The following FRMD3 variants were observed in gnomAD, a reference collection of about 807,000 sequenced individuals.
FRMD3 encodes the protein FERM domain containing 3.
FRMD3 carries 33 observed loss-of-function variants against 70.2 expected under a neutral mutation model. The observed-to-expected ratio is 0.47, with a 90% CI of 0.36 to 0.63. FRMD3 has a LOEUF of 0.63. Ranked by LOEUF, FRMD3 falls within the 20% of genes least tolerant of loss-of-function variation. FRMD3 has a pLI of 0.00. For missense variants in FRMD3, 632 were observed against 711.4 expected (o/e 0.89, Z 1.27); for synonymous variants, 279 against 255.9 (o/e 1.09, Z -0.86).
At chr9:83,446,988 TTTTTGTTTTGTTTTG>T (rs141194581) in intron 1 of FRMD3, among the ~76,000 whole-genome samples, 39,922 of 146,620 alleles carry the variant, frequency 0.27, 5,775 homozygotes, top group African/African-American at 0.39. Context: ...CAGATCAGGG[TTTTTGTTTTGTTTTG>T]TTTTGTTTTG....
rs574000848 is a variant in FRMD3, at chr9:83,467,565, T to C, written c.147+70520A>G. 70 of 1,064,864 alleles carry C rather than the reference T, an allele frequency of 6.6e-5. No individual in the cohort carries two copies. The African/African-American group carries it at 9.7e-4, about 15-fold the overall frequency. 66.0% of individuals were successfully genotyped at this position (1,064,864 alleles called of 1,614,324 possible). ...GCATAGTAACTCATGACATGCATTA[T>C]GTTAAATAAAAGCGTACCTGAGTTG... On this transcript the variant is annotated intron_variant, in intron 1 of 13. Transcript: ENST00000304195.
chr9:83,252,848 C>A (rs1444304355), intron 13 of FRMD3, among the ~76,000 whole-genome samples: 1 of 152,104 alleles, frequency 6.6e-6, no homozygotes, highest in East Asian at 1.9e-4. Flanking sequence ...TACAGGAGCA[C>A]CCAGATTCAT....
At chr9:83,426,366 A>G (rs556733665) in intron 1 of FRMD3, among the ~76,000 whole-genome samples, 18 of 152,380 alleles carry the variant, frequency 1.2e-4, no homozygotes, top group African/African-American at 3.8e-4. Flanking sequence ...AAATGTAAAG[A>G]TAACCGAGGC....
chr9:83,368,615 C>T (rs1281142676), intron 3 of FRMD3, among the ~76,000 whole-genome samples: 1 of 152,158 alleles, frequency 6.6e-6, no homozygotes, highest in Admixed American at 6.5e-5. Context: ...TTCAATTAAA[C>T]AGACATTTCT....
chr9:83,389,006 C>T (rs887793038), intron 2 of FRMD3, among the ~76,000 whole-genome samples: 2 of 144,854 alleles, frequency 1.4e-5, no homozygotes, highest in African/African-American at 5.3e-5. Context: ...AGTGTAGTAG[C>T]CCCATCACAG....
chr9:83,299,741 A>T (rs1587696167), intron 10 of FRMD3, among the ~76,000 whole-genome samples: 1 of 152,234 alleles, frequency 6.6e-6, no homozygotes, highest in African/African-American at 2.4e-5. Flanking sequence ...CTTCTGTGTC[A>T]CCATGACCCA....
At chr9:83,453,059 T>G (rs10868014) in intron 1 of FRMD3, among the ~76,000 whole-genome samples, 34,204 of 151,748 alleles carry the variant, frequency 0.23, 3,951 homozygotes, top group Non-Finnish European at 0.26. Context: ...TTTCGCCATG[T>G]TGGTCAGGCT....
chr9:83,293,247 TCA>T lies in FRMD3; in HGVS notation c.1071-2522_1071-2521del, dbSNP rs72094175. 5.7e-3 allele frequency among the ~76,000 whole-genome samples: 861 copies of T among 152,298 alleles called. 23 individuals are homozygous for T. In the East Asian group the frequency reaches 0.11, roughly 19 times the overall value. On this transcript the variant is annotated intron_variant, in intron 12 of 13. Coordinates refer to ENST00000304195, the MANE Select transcript of FRMD3 (RefSeq NM_174938.6). Reference sequence around the variant, plus strand: ...TTTCTTCTTTTATTGTGAAGGGTTCTCAGTTTTTGAGCTCTCCTGGGATTTCT... The same window carrying T: ...TTTCTTCTTTTATTGTGAAGGGTTCTGTTTTTGAGCTCTCCTGGGATTTCT...
chr9:83,545,524 A>G, the FRMD3 span, among the ~76,000 whole-genome samples: 2 of 151,552 alleles, frequency 1.3e-5, no homozygotes, highest in Non-Finnish European at 2.9e-5. Context: ...CACCCAGCTA[A>G]TTTTTTGTAT....
At chr9:83,303,554 A>C (rs563954669) in intron 10 of FRMD3, among the ~76,000 whole-genome samples, 1 of 152,322 alleles carries the variant, frequency 6.6e-6, no homozygotes, top group East Asian at 1.9e-4. Context: ...GGGAGTGATG[A>C]TGCTGGTCCA....
chr9:83,324,716 T>A (rs1441323230), intron 6 of FRMD3, among the ~76,000 whole-genome samples: 1 of 152,250 alleles, frequency 6.6e-6, no homozygotes. Flanking sequence ...ATACATATTT[T>A]TTCCCTTATT....
intron 13 of FRMD3, among the ~76,000 whole-genome samples, chr9:83,258,414 G>A (rs1315928036): frequency 7.2e-5 from 11 of 152,220 alleles, no homozygotes; most frequent in South Asian, 2.1e-4. Context: ...CAACTTGTAC[G>A]TGCACAAAAC....
chr9:83,526,383 G>A (rs1040264523), intron 1 of FRMD3, among the ~76,000 whole-genome samples: 2 of 152,152 alleles, frequency 1.3e-5, no homozygotes, highest in African/African-American at 2.4e-5. Context: ...CTAACCATGT[G>A]GAACTCATCC....
chr9:83,534,911 C>T (rs977682415), intron 1 of FRMD3, among the ~76,000 whole-genome samples: 5 of 152,192 alleles, frequency 3.3e-5, no homozygotes, highest in African/African-American at 1.2e-4. Flanking sequence ...AACTGGCCTT[C>T]AGTCACTGGT....
rs190283479 is a variant in FRMD3 at position 83,458,135 on chromosome 9, G to A, written c.148-68427C>T. Reference sequence around the variant, plus strand: ...TGTCTATTAAAATGAAAAGATTGAAGTGGATTTTTAAGGTCCTTCCCAGAT... The same window carrying A: ...TGTCTATTAAAATGAAAAGATTGAAATGGATTTTTAAGGTCCTTCCCAGAT... On this transcript the variant is annotated intron_variant, in intron 1 of 13. Transcript: ENST00000304195. Among the ~76,000 whole-genome samples the A allele has an allele frequency of 8.7e-4, 133 of 152,014 alleles. 1 individual carries two copies. Among genetic ancestry groups the A allele is most frequent in the African/African-American group, 2.8e-3 (116 of 41,460 alleles).
Position 83,538,397 on chromosome 9 carries a change from G to T in FRMD3, c.-166C>A. ...GACACACATGCCCAGCGGCCGGGGC[G>T]CGGCGGGCGGGTCCCTCCCTCTGTT... On this transcript the variant is annotated 5_prime_UTR_variant, in exon 1 of 14. Transcript: ENST00000304195. This position sits in a 1 kb window ranked among gnomAD's most constrained non-coding sequence, Gnocchi z 4.7. 1 of 488,676 alleles carries T rather than the reference G, an allele frequency of 2.0e-6. No homozygotes were observed. Among genetic ancestry groups the T allele is most frequent in the East Asian group, 3.7e-5 (1 of 26,898 alleles). The allele number at this position is 488,676 out of a possible 1,614,324, so 30.3% of individuals were successfully genotyped here.
At chr9:83,446,646 C>CAAAAA (rs780150860) in intron 1 of FRMD3, among the ~76,000 whole-genome samples, 5 of 83,338 alleles carry the variant, frequency 6.0e-5, no homozygotes, top group South Asian at 8.3e-4. Context: ...GACTCGGTCT[C>CAAAAA]AAAAAAAAAA....
intron 6 of FRMD3, among the ~76,000 whole-genome samples, chr9:83,329,974 T>C (rs7860626): frequency 0.45 from 68,662 of 151,998 alleles, 15,772 homozygotes; most frequent in Admixed American, 0.51. Flanking sequence ...CTTAAACCCC[T>C]TCCGAGCACC....
chr9:83,441,321 G>A (rs969216149), intron 1 of FRMD3, among the ~76,000 whole-genome samples: 5 of 152,146 alleles, frequency 3.3e-5, no homozygotes, highest in South Asian at 2.1e-4. Flanking sequence ...GTCAGATTCC[G>A]ACTGAACGGA....
Sources: allele counts gnomAD v4.1 joint callset (sites outside exome capture counted in the v4.1 genomes callset), GRCh38; gene constraint gnomAD v4.1.1; non-coding constraint Gnocchi (gnomAD v3.1); transcripts MANE v1.5; gene names NCBI Gene and HGNC (gene_info 2026-07-23, HGNC 2026-07-21).